SLC24A2: variants seen among roughly 807,000 people sequenced by gnomAD.
The protein encoded by SLC24A2 is sodium/potassium/calcium exchanger 2.
SLC24A2 carries 36 observed loss-of-function variants against 62.0 expected under a neutral mutation model. The observed-to-expected ratio is 0.58, with a 90% confidence interval of 0.44 to 0.77. The LOEUF is 0.77. Ranked by LOEUF, SLC24A2 falls within the 30% of genes least tolerant of loss-of-function variation. The probability of loss-of-function intolerance (pLI) is 0.00; values close to 1 mark genes in which losing one functional copy is unlikely to be tolerated. For missense variants in SLC24A2, 846 were observed against 817.9 expected (o/e 1.03, Z -0.42); for synonymous variants, 358 against 294.0 (o/e 1.22, Z -2.23).
chr9:19,612,509 C>T (rs1837207442), intron 4 of SLC24A2, among the ~76,000 whole-genome samples: 1 of 152,052 alleles, frequency 6.6e-6, no homozygotes, highest in African/African-American at 2.4e-5. Flanking sequence ...TTAAAACAAC[C>T]CTATGAGGTA....
At position 19,514,112 on chromosome 9, in the gene SLC24A2, G is replaced by A. The variant is rs1832839214; in HGVS notation, c.*2041C>T. On this transcript the variant is annotated 3_prime_UTR_variant, in exon 11 of 11. Coordinates refer to ENST00000341998, the MANE Select transcript of SLC24A2 (RefSeq NM_020344.4). ...TTTCCCAGGGGGCCTCGGGTTTGAAGTGCTTTTTACTTCTGGGTGAAGAGG... is the reference window on the plus strand; with the variant it reads ...TTTCCCAGGGGGCCTCGGGTTTGAAATGCTTTTTACTTCTGGGTGAAGAGG... 1 of 152,206 alleles carries A rather than the reference G, an allele frequency of 6.6e-6. No homozygotes were observed. The highest frequency in any genetic ancestry group is 1.5e-5 in the Non-Finnish European group (1 of 68,050). 9.4% of individuals were successfully genotyped at this position (152,206 alleles called of 1,614,324 possible).
the SLC24A2 span, among the ~76,000 whole-genome samples, chr9:19,833,263 C>G: frequency 2.0e-5 from 3 of 152,038 alleles, no homozygotes; most frequent in African/African-American, 7.3e-5. Context: ...GTGTGTGAGC[C>G]AAAGCAGGGT....
At chr9:19,906,928 A>G in the SLC24A2 span, among the ~76,000 whole-genome samples, 2 of 152,192 alleles carry the variant, frequency 1.3e-5, no homozygotes, top group African/African-American at 4.8e-5. Context: ...TCCTTCTGAA[A>G]CTATTCCAAT....
At chr9:19,813,011 C>T in the SLC24A2 span, among the ~76,000 whole-genome samples, 2 of 152,190 alleles carry the variant, frequency 1.3e-5, no homozygotes, top group African/African-American at 2.4e-5. Flanking sequence ...TTCTACTTAG[C>T]TCCTTAGTCT....
the SLC24A2 span, among the ~76,000 whole-genome samples, chr9:19,987,034 A>T: frequency 6.6e-6 from 1 of 152,158 alleles, no homozygotes; most frequent in Non-Finnish European, 1.5e-5. Flanking sequence ...GAGTCAAAGA[A>T]GCAGAACAGG....
chr9:19,837,771 A>G, the SLC24A2 span, among the ~76,000 whole-genome samples: 1 of 152,116 alleles, frequency 6.6e-6, no homozygotes, highest in South Asian at 2.1e-4. Context: ...TTATATACCA[A>G]TAACAGACAA....
intron 5 of SLC24A2, among the ~76,000 whole-genome samples, chr9:19,592,729 G>A (rs1442561528): frequency 6.6e-6 from 1 of 152,126 alleles, no homozygotes; most frequent in Non-Finnish European, 1.5e-5. Context: ...TAGGAAAAGA[G>A]CCACGTTCAA....
intron 2 of SLC24A2, among the ~76,000 whole-genome samples, chr9:19,671,558 T>A (rs773163281): frequency 6.6e-6 from 1 of 152,276 alleles, no homozygotes; most frequent in East Asian, 1.9e-4. Flanking sequence ...CTTTCTCTTA[T>A]CTGATTGCTC....
At chr9:19,587,026 A>G (rs1836395954) in intron 5 of SLC24A2, among the ~76,000 whole-genome samples, 1 of 152,212 alleles carries the variant, frequency 6.6e-6, no homozygotes, top group Non-Finnish European at 1.5e-5. Flanking sequence ...AAGACCTGCC[A>G]GCATTTAACC....
intron 2 of SLC24A2, among the ~76,000 whole-genome samples, chr9:19,745,135 T>C (rs146167380): frequency 1.0e-3 from 153 of 152,236 alleles, no homozygotes; most frequent in Non-Finnish European, 1.3e-3. Context: ...GATCTGGTCA[T>C]TTAAGATTGT....
At chr9:19,963,433 C>T in the SLC24A2 span, among the ~76,000 whole-genome samples, 6 of 149,974 alleles carry the variant, frequency 4.0e-5, no homozygotes, top group African/African-American at 7.3e-5. Context: ...GAACAGGCAA[C>T]CTACAAAATG....
chr9:19,804,100 A>T, the SLC24A2 span, among the ~76,000 whole-genome samples: 20 of 152,142 alleles, frequency 1.3e-4, no homozygotes, highest in African/African-American at 4.6e-4. Flanking sequence ...TTGGCTATTC[A>T]GGGTCTCTTG....
At chr9:19,588,917 C>T (rs887203968) in intron 5 of SLC24A2, among the ~76,000 whole-genome samples, 4 of 152,154 alleles carry the variant, frequency 2.6e-5, no homozygotes, top group Non-Finnish European at 2.9e-5. Context: ...GCCAAGATTG[C>T]GCTACTGCAC....
At chr9:19,681,639 C>T (rs1819726336) in intron 2 of SLC24A2, among the ~76,000 whole-genome samples, 1 of 152,092 alleles carries the variant, frequency 6.6e-6, no homozygotes, top group Admixed American at 6.6e-5. Flanking sequence ...TCTTCTTTGC[C>T]CCTGGTTCAT....
chr9:20,302,457 T>C, the SLC24A2 span, among the ~76,000 whole-genome samples: 1 of 152,246 alleles, frequency 6.6e-6, no homozygotes, highest in East Asian at 1.9e-4. Context: ...CTCATTGTTT[T>C]GATTTGCATT....
chr9:19,665,776 G>A (rs1819234653), intron 2 of SLC24A2, among the ~76,000 whole-genome samples: 1 of 151,932 alleles, frequency 6.6e-6, no homozygotes, highest in Non-Finnish European at 1.5e-5. Flanking sequence ...CACCATGCCT[G>A]GTTAATTTGT....
the SLC24A2 span, among the ~76,000 whole-genome samples, chr9:19,880,895 T>G: frequency 1.3e-5 from 2 of 152,178 alleles, no homozygotes; most frequent in African/African-American, 4.8e-5. Context: ...AGGTGTGTTG[T>G]GTAGTGCTTA....
intron 2 of SLC24A2, among the ~76,000 whole-genome samples, chr9:19,623,807 G>A (rs1007216444): frequency 6.6e-6 from 1 of 152,132 alleles, no homozygotes; most frequent in Non-Finnish European, 1.5e-5. Context: ...CTGGTTCCAA[G>A]CATTTTTATA....
chr9:19,732,514 G>A (rs1821370486), intron 2 of SLC24A2, among the ~76,000 whole-genome samples: 1 of 152,010 alleles, frequency 6.6e-6, no homozygotes, highest in African/African-American at 2.4e-5. Context: ...ATATTTACGG[G>A]GCACAGTGTG....
Sources: allele counts gnomAD v4.1 joint callset (sites outside exome capture counted in the v4.1 genomes callset), GRCh38; gene constraint gnomAD v4.1.1; transcripts MANE v1.5; gene names NCBI Gene and HGNC (gene_info 2026-07-23, HGNC 2026-07-21).